ANKRD29: variants seen among roughly 807,000 people sequenced by gnomAD.
The protein encoded by ANKRD29 is ankyrin repeat domain 29.
ANKRD29 carries 32 observed loss-of-function variants against 38.0 expected under a neutral mutation model. That is an observed-to-expected ratio of 0.84 (90% CI 0.64 to 1.13). The LOEUF is 1.13. Among genes scored for constraint, ANKRD29 ranks in the 50% most tolerant of loss-of-function variants. The pLI is 0.00. For synonymous variants in ANKRD29, 135 were observed against 152.4 expected, an observed-to-expected ratio of 0.89 and a Z score of 0.84; for missense variants, 357 against 377.9, an observed-to-expected ratio of 0.94 and a Z score of 0.46.
intron 8 of ANKRD29, among the ~76,000 whole-genome samples, chr18:23,613,883 C>A (rs765999821): frequency 1.4e-4 from 22 of 152,072 alleles, no homozygotes; most frequent in Non-Finnish European, 2.2e-4. Flanking sequence ...CAGGCATGAG[C>A]CCCCACGCCC....
chr18:23,623,283 G>A (rs1327854007), intron 6 of ANKRD29, among the ~76,000 whole-genome samples: 2 of 152,162 alleles, frequency 1.3e-5, no homozygotes, highest in African/African-American at 4.8e-5. Context: ...GGGGCCGCCT[G>A]TGTATTTCAT....
At chr18:23,611,971 G>T in intron 9 of ANKRD29, 121 bp downstream of exon 9, 1 of 823,862 alleles carries the variant, frequency 1.2e-6, no homozygotes, top group Non-Finnish European at 1.9e-6. Context: ...CAGCAACCTT[G>T]AATGCCCTTA....
In ANKRD29 at chr18:23,646,284, C is replaced by T. The variant is rs1194720111; in HGVS notation, c.136G>A (p.Gly46Ser). ...RVDVDCRDSH[G>S]TTLLMVAAYA... is the part of the protein sequence containing the mutation. Reference sequence around the variant, plus strand: ...GCAGCAACCATCAGGAGTGTGGTGCCATGCTGGATGGAGGAGAGACAGATG... The same window carrying T: ...GCAGCAACCATCAGGAGTGTGGTGCTATGCTGGATGGAGGAGAGACAGATG... Residue 46 changes from glycine (G) to serine (S), a missense_variant, in exon 3 of 10, where the codon GGC becomes AGC. Coordinates refer to ENST00000592179, the MANE Select transcript of ANKRD29 (RefSeq NM_173505.4). 1.2e-6 allele frequency: 2 copies of T among 1,613,706 alleles called. No homozygotes were observed. The highest frequency in any genetic ancestry group is 1.7e-6 in the Non-Finnish European group (2 of 1,179,966).
Position 23,662,713 on chromosome 18 carries a change from G to A in ANKRD29, c.18C>T (p.Phe6=), listed in dbSNP as rs775135940. 6.8e-7 allele frequency: 1 copy of A among 1,476,310 alleles called. No homozygotes were observed. The highest frequency in any genetic ancestry group is 8.9e-7 in the Non-Finnish European group (1 of 1,121,206). The allele number at this position is 1,476,310 out of a possible 1,614,324, so 91.5% of individuals were successfully genotyped here. The part of the protein sequence containing the change: MCRMS[F]KKETPLANAA... ...CCCCGGAGTCCCGGTCGCTCACCTT[G>A]AAGGACATCCTGCACATGTCCGCGG... is the stretch of plus-strand genomic sequence containing the variant. The change falls in exon 1 of 10, where the codon TTC becomes TTT. Residue 6 remains phenylalanine, a synonymous_variant. Transcript: ENST00000592179.
At chr18:23,604,594 A>T (rs553256187) in intron 9 of ANKRD29, among the ~76,000 whole-genome samples, 1 of 151,486 alleles carries the variant, frequency 6.6e-6, no homozygotes, top group South Asian at 2.1e-4. Flanking sequence ...GCAGTGGCGC[A>T]ATCTCAGCTC....
intron 6 of ANKRD29, among the ~76,000 whole-genome samples, chr18:23,625,597 A>G (rs1363841082): frequency 6.6e-6 from 1 of 152,286 alleles, no homozygotes; most frequent in Non-Finnish European, 1.5e-5. Flanking sequence ...GCCTGGTTGG[A>G]ATAGGAATGA....
chr18:23,623,371 G>C (rs1431838926), intron 6 of ANKRD29, among the ~76,000 whole-genome samples: 4 of 152,144 alleles, frequency 2.6e-5, no homozygotes, highest in Non-Finnish European at 5.9e-5. Flanking sequence ...TGTCAAATCA[G>C]ATTACCTATC....
intron 9 of ANKRD29, among the ~76,000 whole-genome samples, chr18:23,604,684 C>T (rs1163121767): frequency 1.3e-5 from 2 of 152,112 alleles, no homozygotes; most frequent in Non-Finnish European, 2.9e-5. Flanking sequence ...GAACGTGCCA[C>T]CACACCTGGC....
Position 23,599,984 on chromosome 18 carries a change from A to G in ANKRD29, c.*1242T>C, listed in dbSNP as rs2059493380. On this transcript the variant is annotated 3_prime_UTR_variant, in exon 10 of 10. Coordinates refer to ENST00000592179, the MANE Select transcript of ANKRD29 (RefSeq NM_173505.4). ...ATAGACACTGACTGAAAACCAGAGC[A>G]GAACATGAAGAAATAAGCTAAAGAT... 6.6e-6 allele frequency: 1 copy of G among 152,234 alleles called. No homozygotes were observed. Among genetic ancestry groups the G allele is most frequent in the South Asian group, 2.1e-4 (1 of 4,838 alleles). 9.4% of individuals were successfully genotyped at this position (152,234 alleles called of 1,614,324 possible). A position where few individuals can be genotyped will look rare whatever the true frequency, so the allele number is the denominator to read the frequency against.
At chr18:23,608,018 A>C (rs1428291799) in intron 9 of ANKRD29, among the ~76,000 whole-genome samples, 1 of 152,210 alleles carries the variant, frequency 6.6e-6, no homozygotes, top group African/African-American at 2.4e-5. Flanking sequence ...CTGGAGCAGA[A>C]GAGTGTTCTG....
intron 9 of ANKRD29, among the ~76,000 whole-genome samples, chr18:23,610,648 A>G (rs966424861): frequency 2.0e-5 from 3 of 152,006 alleles, no homozygotes; most frequent in Non-Finnish European, 4.4e-5. Flanking sequence ...AAAAAAATTT[A>G]CATTTAAATA....
intron 1 of ANKRD29, among the ~76,000 whole-genome samples, chr18:23,661,494 T>A (rs1028563931): frequency 2.6e-5 from 4 of 152,126 alleles, no homozygotes; most frequent in Non-Finnish European, 5.9e-5. Context: ...TCACCTGAGG[T>A]CAGGAGTTCG....
At chr18:23,621,903 T>A (rs1375047463) in intron 6 of ANKRD29, among the ~76,000 whole-genome samples, 1 of 152,050 alleles carries the variant, frequency 6.6e-6, no homozygotes, top group Non-Finnish European at 1.5e-5. Flanking sequence ...AAGTTGTTCT[T>A]GAACTCTTGG....
At chr18:23,608,908 A>G (rs913183012) in intron 9 of ANKRD29, among the ~76,000 whole-genome samples, 5 of 152,076 alleles carry the variant, frequency 3.3e-5, no homozygotes, top group Non-Finnish European at 7.4e-5. Context: ...CTGTTTCTCA[A>G]AGTGAAAGTT....
chr18:23,639,903 G>C (rs1408814569), intron 3 of ANKRD29, among the ~76,000 whole-genome samples: 1 of 152,058 alleles, frequency 6.6e-6, no homozygotes, highest in Non-Finnish European at 1.5e-5. Context: ...CAGGGGCTGG[G>C]GGAAGGGGAG....
intron 1 of ANKRD29, among the ~76,000 whole-genome samples, chr18:23,657,521 A>G (rs1336752289): frequency 6.6e-6 from 1 of 152,216 alleles, no homozygotes; most frequent in African/African-American, 2.4e-5. Context: ...TGGTGCAATC[A>G]TAAGGTTGCA....
intron 2 of ANKRD29, chr18:23,647,699 TAG>T (rs2060157985): frequency 1.3e-5 from 2 of 152,206 alleles, no homozygotes; most frequent in African/African-American, 4.8e-5. Flanking sequence ...TTTGTATTTT[TAG>T]TAGAGGCGGG....
intron 8 of ANKRD29, among the ~76,000 whole-genome samples, chr18:23,613,601 AT>A (rs1179381510): frequency 0.028 from 3,896 of 140,864 alleles, 83 homozygotes; most frequent in African/African-American, 0.068. Context: ...TTACTTTACA[AT>A]TTTTTTTTTT....
chr18:23,620,980 A>C (rs2059790283), intron 6 of ANKRD29, among the ~76,000 whole-genome samples: 1 of 152,112 alleles, frequency 6.6e-6, no homozygotes, highest in Admixed American at 6.6e-5. Flanking sequence ...ACCAGCTGCA[A>C]CCCTGGGGTG....
Sources: gnomAD v4.1 joint callset for allele counts (sites outside exome capture counted in the v4.1 genomes callset) on GRCh38, gnomAD v4.1.1 for gene constraint, MANE v1.5 for transcripts, NCBI Gene and HGNC (gene_info 2026-07-23, HGNC 2026-07-21) for gene names.